Variants in BCAS3 observed in about 807,000 individuals in gnomAD.
BCAS3 encodes the protein BCAS3 microtubule associated cell migration factor, also known as BCAS4/BCAS3 fusion.
Under a neutral mutation model 116.1 loss-of-function variants are expected in BCAS3, and 53 were observed. The ratio of observed to expected loss-of-function variants is 0.46; its 90% CI spans 0.37 to 0.57. The LOEUF (loss-of-function observed/expected upper bound fraction) is 0.57, where lower values mean the gene tolerates loss of function less well. Ranked by LOEUF, BCAS3 falls within the 20% of genes least tolerant of loss-of-function variation. BCAS3 has a pLI of 0.00. For synonymous variants in BCAS3, 391 were observed against 408.2 expected (o/e 0.96, Z 0.51); for missense variants, 917 against 1,165.4 (o/e 0.79, Z 3.10).
At position 61,056,532 on chromosome 17, in the gene BCAS3, TA is replaced by T. The variant is rs901867467; in HGVS notation, c.2029+15641del. ...TAAAGTATAAAAATTCTTTTATAGA[TA>T]TTTTTTAAAGTTTAAGATGCAGGCT... On this transcript the variant is annotated intron_variant, in intron 19 of 23. Transcript: ENST00000407086. The surrounding 1 kb of genome is among the most constrained non-coding windows in gnomAD (Gnocchi z 4.9). Among the ~76,000 whole-genome samples the T allele has an allele frequency of 5.9e-5, 9 of 152,206 alleles. No homozygotes were observed. The highest frequency in any genetic ancestry group is 2.1e-4 in the South Asian group (1 of 4,828).
At chr17:60,977,724 T>C (rs552941802) in intron 14 of BCAS3, among the ~76,000 whole-genome samples, 13 of 146,926 alleles carry the variant, frequency 8.8e-5, no homozygotes, top group Non-Finnish European at 1.7e-4. Context: ...CATTGTTCAA[T>C]TCCCACCTAT....
At chr17:60,992,674 A>C (rs2063603576) in intron 15 of BCAS3, among the ~76,000 whole-genome samples, 1 of 152,204 alleles carries the variant, frequency 6.6e-6, no homozygotes, top group Non-Finnish European at 1.5e-5. Context: ...CCGAACATAA[A>C]ATAAAAATTG....
At chr17:60,685,950 AGCTCT>A (rs1192842188) in intron 3 of BCAS3, among the ~76,000 whole-genome samples, 1 of 151,652 alleles carries the variant, frequency 6.6e-6, no homozygotes, top group Non-Finnish European at 1.5e-5. Flanking sequence ...GCTCACTGCA[AGCTCT>A]GCCTCCCGGG....
chr17:60,793,951 G>A (rs1568265603), intron 6 of BCAS3, among the ~76,000 whole-genome samples: 1 of 152,084 alleles, frequency 6.6e-6, no homozygotes. Flanking sequence ...TCAAATGGTC[G>A]TTCTACTTTT....
At chr17:61,045,515 GAAAGAAAAAAA>G (rs2067966485) in intron 19 of BCAS3, among the ~76,000 whole-genome samples, 1 of 130,938 alleles carries the variant, frequency 7.6e-6, no homozygotes, top group African/African-American at 2.9e-5. Flanking sequence ...TGTCTCTTAA[GAAAGAAAAAAA>G]AAAAAAGGCT....
In BCAS3 at chr17:61,140,870, T is replaced by A. The variant is rs1360031602; in HGVS notation, c.2425+56306T>A. ...ACATGATTTAAGGGAAATCTTGTAC[T>A]AATCTGCAAGTATCCTGAAAAATGT... On this transcript the variant is annotated intron_variant, in intron 22 of 23. Coordinates refer to ENST00000407086, the MANE Select transcript of BCAS3 (RefSeq NM_017679.5). This position sits in a 1 kb window ranked among gnomAD's most constrained non-coding sequence, Gnocchi z 4.2. Among the ~76,000 whole-genome samples the A allele has an allele frequency of 6.6e-6, 1 of 152,190 alleles. No homozygotes were observed. Among genetic ancestry groups the A allele is most frequent in the African/African-American group, 2.4e-5 (1 of 41,440 alleles).
At chr17:60,705,658 T>C (rs77926134) in intron 4 of BCAS3, among the ~76,000 whole-genome samples, 1 of 152,100 alleles carries the variant, frequency 6.6e-6, no homozygotes, top group Non-Finnish European at 1.5e-5. Context: ...AGAAGACAGC[T>C]TGATGGAGCT....
At position 61,167,977 on chromosome 17, in the gene BCAS3, A is replaced by G. The variant is rs753723133; in HGVS notation, c.2425+83413A>G. ...CTACATTTCGATATTTGCTGTAACT[A>G]TAGGTTTACTTCTCTCCTCTTTGGT... On this transcript the variant is annotated intron_variant, in intron 22 of 23. Transcript: ENST00000407086. Among the ~76,000 whole-genome samples, 4 of 152,134 alleles carry G rather than the reference A, an allele frequency of 2.6e-5. No individual in the cohort carries two copies. The South Asian group carries it at 8.3e-4, about 32-fold the overall frequency.
At chr17:60,817,683 CAGTT>C (rs2049553176) in intron 7 of BCAS3, among the ~76,000 whole-genome samples, 1 of 152,068 alleles carries the variant, frequency 6.6e-6, no homozygotes, top group African/African-American at 2.4e-5. Context: ...TTCTTCATCT[CAGTT>C]GGTTAGGAAT....
intron 23 of BCAS3, among the ~76,000 whole-genome samples, chr17:61,375,859 C>G (rs563718861): frequency 6.6e-6 from 1 of 152,180 alleles, no homozygotes; most frequent in Non-Finnish European, 1.5e-5. Flanking sequence ...ATGCATGAGC[C>G]ACCACACCGG....
intron 7 of BCAS3, among the ~76,000 whole-genome samples, chr17:60,854,112 C>T (rs1200390712): frequency 2.0e-5 from 3 of 151,958 alleles, no homozygotes; most frequent in Non-Finnish European, 4.4e-5. Flanking sequence ...CAAGTGTTCT[C>T]ATTGTTCAAT....
chr17:61,167,774 T>C (rs2078602091), intron 22 of BCAS3, among the ~76,000 whole-genome samples: 2 of 152,182 alleles, frequency 1.3e-5, no homozygotes, highest in African/African-American at 4.8e-5. Context: ...GGGGATACCT[T>C]TGAACAGATG....
rs111973520 is a variant in BCAS3 at position 60,724,824 on chromosome 17, G to A, written c.321+15499G>A. Among the ~76,000 whole-genome samples the A allele has an allele frequency of 6.0e-3, 908 of 150,772 alleles. 4 individuals carry two copies. The highest frequency in any genetic ancestry group is 0.021 in the African/African-American group (856 of 41,094). On this transcript the variant is annotated intron_variant, in intron 5 of 23. Transcript: ENST00000407086. ...ACAGCTTTGTATATGTGTGGTATGA[G>A]ATGGGGTCAGGGTTATTTCTTTTTT...
At chr17:60,804,481 A>T (rs1300417443) in intron 6 of BCAS3, among the ~76,000 whole-genome samples, 2 of 152,166 alleles carry the variant, frequency 1.3e-5, no homozygotes, top group Middle Eastern at 3.4e-3. Context: ...TCAAAAGAAA[A>T]ACAAGAACAC....
In BCAS3 at chr17:61,100,196, C is replaced by T. The variant is rs190001505; in HGVS notation, c.2425+15632C>T. ...CTTCTTTAGATGAGTTTATGTAGTTCTCAAATGAATGCTTGTAAGACTGGG... is the reference window on the plus strand; with the variant it reads ...CTTCTTTAGATGAGTTTATGTAGTTTTCAAATGAATGCTTGTAAGACTGGG... On this transcript the variant is annotated intron_variant, in intron 22 of 23. Coordinates refer to ENST00000407086, the MANE Select transcript of BCAS3 (RefSeq NM_017679.5). Among the ~76,000 whole-genome samples the T allele has an allele frequency of 9.9e-4, 151 of 152,276 alleles. 1 individual carries two copies. Among genetic ancestry groups the T allele is most frequent in the Non-Finnish European group, 2.2e-4 (15 of 68,024 alleles).
At chr17:60,939,571 A>G (rs1230437660) in intron 13 of BCAS3, among the ~76,000 whole-genome samples, 2 of 152,236 alleles carry the variant, frequency 1.3e-5, no homozygotes, top group Non-Finnish European at 2.9e-5. Context: ...GACTGAGAAA[A>G]TATTGTGTGA....
chr17:60,937,661 TAAAG>T (rs989833033), intron 13 of BCAS3, among the ~76,000 whole-genome samples: 3 of 152,234 alleles, frequency 2.0e-5, no homozygotes, highest in African/African-American at 7.2e-5. Context: ...TCCTAACACA[TAAAG>T]AATCTGCTTG....
chr17:60,979,384 C>G (rs1270713372), intron 14 of BCAS3, among the ~76,000 whole-genome samples: 1 of 148,856 alleles, frequency 6.7e-6, no homozygotes, highest in Non-Finnish European at 1.5e-5. Flanking sequence ...AGTTGCTTAT[C>G]AGCTTAAGGA....
In BCAS3 at chr17:61,068,262, C is replaced by G. The variant is rs912025030; in HGVS notation, c.2030-6658C>G. Among the ~76,000 whole-genome samples the G allele has an allele frequency of 6.6e-6, 1 of 151,984 alleles. No homozygotes were observed. Among genetic ancestry groups the G allele is most frequent in the Non-Finnish European group, 1.5e-5 (1 of 67,996 alleles). ...TTAAGTTTTTTTTAGTACCTCCATT[C>G]GAAGAAAGGTGGAAAAATTAATCTC... is the stretch of plus-strand genomic sequence containing the variant. On this transcript the variant is annotated intron_variant, in intron 19 of 23. Coordinates refer to ENST00000407086, the MANE Select transcript of BCAS3 (RefSeq NM_017679.5). The surrounding 1 kb of genome is among the most constrained non-coding windows in gnomAD (Gnocchi z 4.3).
Sources: gnomAD v4.1 joint callset for allele counts (sites outside exome capture counted in the v4.1 genomes callset) on GRCh38, gnomAD v4.1.1 for gene constraint, Gnocchi (gnomAD v3.1) non-coding constraint, MANE v1.5 for transcripts, NCBI Gene and HGNC (gene_info 2026-07-23, HGNC 2026-07-21) for gene names.